The following CNPY1 variants were observed in gnomAD, a reference collection of about 807,000 sequenced individuals.
CNPY1 encodes protein canopy homolog 1.
A neutral mutation model predicts 14.4 loss-of-function variants in CNPY1; 14 were observed. That is an observed-to-expected ratio of 0.97 (90% CI 0.64 to 1.52). CNPY1 has a LOEUF of 1.52. Among genes scored for constraint, CNPY1 ranks in the 40% most tolerant of loss-of-function variants. The pLI is 0.00. For missense variants in CNPY1, 129 were observed against 131.5 expected (o/e 0.98, Z 0.09); for synonymous variants, 43 against 46.5 (o/e 0.92, Z 0.31).
In CNPY1 at chr7:155,506,960, G is replaced by A. The variant is rs1036247369; in HGVS notation, c.400+60C>T. 1.8e-5 allele frequency: 21 copies of A among 1,150,194 alleles called. 1 individual carries two copies. Among genetic ancestry groups the A allele is most frequent in the South Asian group, 1.6e-4 (13 of 81,160 alleles). 71.2% of individuals were successfully genotyped at this position (1,150,194 alleles called of 1,614,324 possible). Reference sequence around the variant, plus strand: ...TCGGTCTGCAAACAAGACGCTGCAAGGCTGAGTGAGAGAGAGAGGGTGTGC... The same window carrying A: ...TCGGTCTGCAAACAAGACGCTGCAAAGCTGAGTGAGAGAGAGAGGGTGTGC... On this transcript the variant is annotated intron_variant, in intron 4 of 4. Coordinates refer to ENST00000636446, the MANE Select transcript of CNPY1 (RefSeq NM_001393663.1).
rs1719630679 is a variant in CNPY1, at chr7:155,509,006, A to G, written c.191T>C (p.Val64Ala). Residue 64 changes from valine to alanine, a missense_variant, in exon 3 of 5, where the codon GTG becomes GCG. Physicochemically the swap from Val to Ala is moderately conservative, Grantham distance 64. Transcript: ENST00000636446. ...MNDYKLEEDP[V>A]TKERTFKRFA... ...TCTCTTGAAAGTTCTCTCCTTCGTC[A>G]CAGGGTCTTCCTCAAGCTTGTAGTC... 1 of 1,613,938 alleles carries G rather than the reference A, an allele frequency of 6.2e-7. No homozygotes were observed. Among genetic ancestry groups the G allele is most frequent in the Non-Finnish European group, 8.5e-7 (1 of 1,179,898 alleles).
In CNPY1 at chr7:155,509,073, A is replaced by C; in HGVS notation, c.124T>G (p.Phe42Val). 1 of 1,602,504 alleles carries C rather than the reference A, an allele frequency of 6.2e-7. No homozygotes were observed. The highest frequency in any genetic ancestry group is 8.5e-7 in the Non-Finnish European group (1 of 1,176,200). Residue 42 changes from phenylalanine to valine, a missense_variant, in exon 3 of 5, where the codon TTC (phenylalanine) becomes GTC (valine). Physicochemically the swap from Phe to Val is conservative, Grantham distance 50. Transcript: ENST00000636446. ...ACTTTCTCCAAAAGATCCGTTAGGA[A>C]CGCCTCCGACTGAGCTAGGGGGATC... ...RKIPLAQSEAFLTDLLEKVCE... is the reference protein window; with the variant it reads ...RKIPLAQSEAVLTDLLEKVCE...
intron 2 of CNPY1, among the ~76,000 whole-genome samples, chr7:155,526,529 G>A (rs990631140): frequency 4.6e-5 from 7 of 152,038 alleles, no homozygotes; most frequent in African/African-American, 1.7e-4. Flanking sequence ...CATTCACAAT[G>A]GCATAAAAGA....
In CNPY1 at chr7:155,501,526, G is replaced by T. The variant is rs1192413325; in HGVS notation, c.*1542C>A. The stretch of plus-strand genomic sequence containing the variant: ...GGTCACTAGGTTTTCAGGAATAATT[G>T]TCCTGTTTAGTGCATTTCCCAAGAA... On this transcript the variant is annotated 3_prime_UTR_variant, in exon 5 of 5. Coordinates refer to ENST00000636446, the MANE Select transcript of CNPY1 (RefSeq NM_001393663.1). 6.6e-6 allele frequency: 1 copy of T among 152,158 alleles called. No homozygotes were observed. Among genetic ancestry groups the T allele is most frequent in the Non-Finnish European group, 1.5e-5 (1 of 68,024 alleles). 9.4% of individuals were successfully genotyped at this position (152,158 alleles called of 1,614,324 possible).
intron 2 of CNPY1, among the ~76,000 whole-genome samples, chr7:155,528,843 G>A (rs1005601546): frequency 3.9e-5 from 6 of 152,134 alleles, no homozygotes; most frequent in African/African-American, 7.2e-5. Context: ...GGCAGATCAC[G>A]AGGTCAGGAG....
At chr7:155,514,060 G>T (rs535048102) in intron 2 of CNPY1, among the ~76,000 whole-genome samples, 1 of 152,218 alleles carries the variant, frequency 6.6e-6, no homozygotes, top group Non-Finnish European at 1.5e-5. Flanking sequence ...GGTGGGCACC[G>T]CTCAGAGGGC....
chr7:155,526,958 G>A (rs1207033198), intron 2 of CNPY1, among the ~76,000 whole-genome samples: 2 of 151,996 alleles, frequency 1.3e-5, no homozygotes, highest in Non-Finnish European at 2.9e-5. Context: ...GAAACAATAT[G>A]TGTCCATCTG....
chr7:155,503,040 C>T lies in CNPY1; in HGVS notation c.*28G>A, dbSNP rs1423722590. 6.2e-7 allele frequency: 1 copy of T among 1,604,138 alleles called. No homozygotes were observed. Among genetic ancestry groups the T allele is most frequent in the Non-Finnish European group, 8.5e-7 (1 of 1,174,438 alleles). On this transcript the variant is annotated 3_prime_UTR_variant, in exon 5 of 5. Coordinates refer to ENST00000636446, the MANE Select transcript of CNPY1 (RefSeq NM_001393663.1). Reference sequence around the variant, plus strand: ...ATTGACCTTTGGGTGTGACTTTACTCCTCTCTACGACCAGCAGAACGGCAC... The same window carrying T: ...ATTGACCTTTGGGTGTGACTTTACTTCTCTCTACGACCAGCAGAACGGCAC...
intron 2 of CNPY1, among the ~76,000 whole-genome samples, chr7:155,539,962 C>G (rs1306395781): frequency 6.6e-6 from 1 of 152,134 alleles, no homozygotes; most frequent in Non-Finnish European, 1.5e-5. Flanking sequence ...ACCGTGAACA[C>G]AGATTTTCTT....
At chr7:155,544,751 C>T (rs181432455) in intron 2 of CNPY1, among the ~76,000 whole-genome samples, 32 of 152,322 alleles carry the variant, frequency 2.1e-4, no homozygotes, top group African/African-American at 6.5e-4. Flanking sequence ...TGGGCCTGCA[C>T]GGGGTCCCTC....
chr7:155,531,772 A>G (rs761250274), intron 2 of CNPY1, among the ~76,000 whole-genome samples: 4 of 152,224 alleles, frequency 2.6e-5, no homozygotes, highest in Admixed American at 6.5e-5. Flanking sequence ...GTCAGGCCCA[A>G]TGGGTGCCGG....
At chr7:155,506,383 G>A (rs1295652496) in intron 4 of CNPY1, among the ~76,000 whole-genome samples, 11 of 152,140 alleles carry the variant, frequency 7.2e-5, no homozygotes, top group Non-Finnish European at 1.5e-5. Flanking sequence ...AGTGACCATC[G>A]CTTTCAACTT....
Position 155,501,971 on chromosome 7 carries a change from C to T in CNPY1, c.*1097G>A, listed in dbSNP as rs1172960178. 1.0e-5 allele frequency: 1 copy of T among 98,742 alleles called. No individual in the cohort carries two copies. Among genetic ancestry groups the T allele is most frequent in the African/African-American group, 4.5e-5 (1 of 22,336 alleles). The allele number at this position is 98,742 out of a possible 1,614,324, so 6.1% of individuals were successfully genotyped here. Reference sequence around the variant, plus strand: ...ATGTGCTTTTTAAGCAACTAAGTAACAATATGGCAAAGAGTTTTGGGTCGG... The same window carrying T: ...ATGTGCTTTTTAAGCAACTAAGTAATAATATGGCAAAGAGTTTTGGGTCGG... On this transcript the variant is annotated 3_prime_UTR_variant, in exon 5 of 5. Coordinates refer to ENST00000636446, the MANE Select transcript of CNPY1 (RefSeq NM_001393663.1).
intron 4 of CNPY1, among the ~76,000 whole-genome samples, chr7:155,504,728 A>ACACAC (rs1389526148): frequency 3.4e-4 from 49 of 146,260 alleles, no homozygotes; most frequent in African/African-American, 1.2e-3. Flanking sequence ...ACACACACAC[A>ACACAC]GTCACATCTT....
chr7:155,542,531 C>T (rs1400783661), intron 2 of CNPY1, among the ~76,000 whole-genome samples: 3 of 152,194 alleles, frequency 2.0e-5, no homozygotes, highest in Non-Finnish European at 4.4e-5. Context: ...CACTGCACAC[C>T]CCTGGGGCTG....
At chr7:155,518,911 G>A (rs1372887415) in intron 2 of CNPY1, among the ~76,000 whole-genome samples, 2 of 152,166 alleles carry the variant, frequency 1.3e-5, no homozygotes, top group African/African-American at 2.4e-5. Context: ...AGAAAAAGGG[G>A]TCGTGTTTTC....
In CNPY1 at chr7:155,527,651, T is replaced by C. The variant is rs949064286; in HGVS notation, c.99+18180A>G. ...ATTTTTTGTGGAGACAGGATCTCCC[T>C]GTGTTGCCCAGGCTGGTCTCAAAAT... On this transcript the variant is annotated intron_variant, in intron 2 of 4. Transcript: ENST00000636446. Among the ~76,000 whole-genome samples the C allele has an allele frequency of 4.6e-5, 7 of 151,426 alleles. No individual in the cohort carries two copies. In the South Asian group the frequency reaches 1.3e-3, roughly 27 times the overall value.
chr7:155,540,092 G>C (rs1424372460), intron 2 of CNPY1, among the ~76,000 whole-genome samples: 1 of 152,126 alleles, frequency 6.6e-6, no homozygotes, highest in Non-Finnish European at 1.5e-5. Flanking sequence ...AATCTTTCCT[G>C]GTTATTTGAT....
At position 155,517,701 on chromosome 7, in the gene CNPY1, G is replaced by T. The variant is rs558477578; in HGVS notation, c.100-8604C>A. Among the ~76,000 whole-genome samples, 7 of 152,336 alleles carry T rather than the reference G, an allele frequency of 4.6e-5. No homozygotes were observed. In the East Asian group the frequency reaches 1.4e-3, roughly 29 times the overall value. On this transcript the variant is annotated intron_variant, in intron 2 of 4. Coordinates refer to ENST00000636446, the MANE Select transcript of CNPY1 (RefSeq NM_001393663.1). ...GCAAAGTGGGGGCACTGGGCTCGGG[G>T]TCCGCCCAAACACCTGAATGCTAGC...
Sources: gnomAD v4.1 joint callset for allele counts (sites outside exome capture counted in the v4.1 genomes callset) on GRCh38, gnomAD v4.1.1 for gene constraint, MANE v1.5 for transcripts, NCBI Gene and HGNC (gene_info 2026-07-23, HGNC 2026-07-21) for gene names.